SLC6A6: variants seen among roughly 807,000 people sequenced by gnomAD.
The protein encoded by SLC6A6 is solute carrier family 6 member 6, also known as sodium- and chloride-dependent taurine transporter.
A neutral mutation model predicts 68.8 loss-of-function variants in SLC6A6; 16 were observed. The ratio of observed to expected loss-of-function variants is 0.23; its 90% CI spans 0.16 to 0.35. The LOEUF (loss-of-function observed/expected upper bound fraction) is 0.35. Among genes scored for constraint, SLC6A6 ranks in the 10% least tolerant of loss-of-function variants. SLC6A6 has a pLI of 1.00. For missense variants in SLC6A6, 474 were observed against 802.8 expected (o/e 0.59, Z 4.95); for synonymous variants, 312 against 315.4 (o/e 0.99, Z 0.12).
At chr3:14,460,746 G>C (rs1014551754) in intron 6 of SLC6A6, among the ~76,000 whole-genome samples, 1 of 152,250 alleles carries the variant, frequency 6.6e-6, no homozygotes, top group Non-Finnish European at 1.5e-5. Flanking sequence ...TCGTGGGGTG[G>C]CTGTAGGCCT....
At position 14,468,313 on chromosome 3, in the gene SLC6A6, A is replaced by G. The variant is rs1700667607; in HGVS notation, c.1096+101A>G. On this transcript the variant is annotated intron_variant, in intron 9 of 14. Transcript: ENST00000622186. This position sits in a 1 kb window ranked among gnomAD's most constrained non-coding sequence, Gnocchi z 4.5. ...AGACCCCAGGGGGCTTTGAGGGGGG[A>G]CGAGCCTGGTTTCTAAAATGGACCC... The G allele has an allele frequency of 1.9e-6, 2 of 1,038,188 alleles. No individual in the cohort carries two copies. The highest frequency in any genetic ancestry group is 2.7e-6 in the Non-Finnish European group (2 of 748,094). 64.3% of individuals were successfully genotyped at this position (1,038,188 alleles called of 1,614,324 possible).
intron 6 of SLC6A6, among the ~76,000 whole-genome samples, chr3:14,465,843 A>G (rs2124978148): frequency 6.6e-6 from 1 of 152,270 alleles, no homozygotes; most frequent in East Asian, 1.9e-4. Flanking sequence ...TTCCACCTCT[A>G]CGCCCTGGAA....
Position 14,466,582 on chromosome 3 carries a change from C to T in SLC6A6, c.799C>T (p.Leu267=). The T allele has an allele frequency of 1.2e-6, 2 of 1,613,788 alleles. No homozygotes were observed. The highest frequency in any genetic ancestry group is 1.7e-6 in the Non-Finnish European group (2 of 1,179,814). Reference sequence around the variant, plus strand: ...GGTGCTGCTGGTCCGAGGGCTGACGCTGCCGGGCGCGGGCGCAGGCATCAA... The same window carrying T: ...GGTGCTGCTGGTCCGAGGGCTGACGTTGCCGGGCGCGGGCGCAGGCATCAA... ...LLVLLVRGLT[L]PGAGAGIKFY... Residue 267 remains leucine, a synonymous_variant, in exon 7 of 15, where the codon CTG becomes TTG. Coordinates refer to ENST00000622186, the MANE Select transcript of SLC6A6 (RefSeq NM_003043.6).
intron 2 of SLC6A6, among the ~76,000 whole-genome samples, chr3:14,435,787 T>C (rs62231856): frequency 0.49 from 73,881 of 152,102 alleles, 18,139 homozygotes; most frequent in Admixed American, 0.52. Flanking sequence ...AATGTGTGTG[T>C]GCATATAAAC....
At chr3:14,474,836 C>T (rs958440267) in intron 10 of SLC6A6, among the ~76,000 whole-genome samples, 5 of 152,238 alleles carry the variant, frequency 3.3e-5, no homozygotes, top group Admixed American at 6.5e-5. Flanking sequence ...AGAGGCCTCC[C>T]GCTGATGTTA....
intron 5 of SLC6A6, among the ~76,000 whole-genome samples, chr3:14,455,239 C>G (rs1376439964): frequency 2.0e-5 from 3 of 152,210 alleles, no homozygotes; most frequent in African/African-American, 7.2e-5. Flanking sequence ...GACTCATTTT[C>G]TTTGTTGTAG....
In SLC6A6 at chr3:14,477,389, CT is replaced by C; in HGVS notation, c.1347+48del. 2 of 1,594,496 alleles carry C rather than the reference CT, an allele frequency of 1.3e-6. No individual in the cohort carries two copies. Among genetic ancestry groups the C allele is most frequent in the East Asian group, 4.5e-5 (2 of 44,682 alleles). ...GTTTCAGGCTTGGTGCTCCAGTGCC[CT>C]CCTCAAGGCCATAGTGGAGGCAGCA... On this transcript the variant is annotated intron_variant, in intron 11 of 14. Transcript: ENST00000622186. The surrounding 1 kb of genome is among the most constrained non-coding windows in gnomAD (Gnocchi z 4.2).
chr3:14,403,247 A>G (rs550138959), intron 1 of SLC6A6, among the ~76,000 whole-genome samples: 1 of 151,654 alleles, frequency 6.6e-6, no homozygotes, highest in South Asian at 2.1e-4. Context: ...GTTCCGGTGC[A>G]TGTCTGTTAT....
Position 14,466,558 on chromosome 3 carries a change from G to T in SLC6A6, c.775G>T (p.Val259Leu). The T allele has an allele frequency of 6.2e-7, 1 of 1,613,272 alleles. No individual in the cohort carries two copies. Among genetic ancestry groups the T allele is most frequent in the South Asian group, 1.1e-5 (1 of 91,054 alleles). ...TATFPFAMLL[V>L]LLVRGLTLPG... ...CACTTTTCCATTCGCCATGCTCCTG[G>T]TGCTGCTGGTCCGAGGGCTGACGCT... The change falls in exon 7 of 15, where the codon GTG (valine) becomes TTG (leucine). Residue 259 changes from valine (V) to leucine (L), a missense_variant. By Grantham distance (32) the Val-to-Leu change is conservative. Around this residue, in one of 2 missense-constraint regions of SLC6A6, gnomAD observed 280 missense variants for 533.1 expected, o/e 0.53. Coordinates refer to ENST00000622186, the MANE Select transcript of SLC6A6 (RefSeq NM_003043.6).
rs1553583341 is a variant in SLC6A6, at chr3:14,485,151, T to TGC, written c.*145_*146insCG. ...CACAGAAAATGTAATTGTGGGTATG[T>TGC]GTGCGTGCGTGTGTGTGTGTGTGTG... On this transcript the variant is annotated 3_prime_UTR_variant, in exon 15 of 15. Coordinates refer to ENST00000622186, the MANE Select transcript of SLC6A6 (RefSeq NM_003043.6). 11 of 557,542 alleles carry TGC rather than the reference T, an allele frequency of 2.0e-5. No individual in the cohort carries two copies. Among genetic ancestry groups the TGC allele is most frequent in the Non-Finnish European group, 3.2e-5 (11 of 343,074 alleles). 34.5% of individuals were successfully genotyped at this position (557,542 alleles called of 1,614,324 possible). A position where few individuals can be genotyped will look rare whatever the true frequency, so the allele number is the denominator to read the frequency against.
chr3:14,416,296 C>T (rs1001856448), intron 1 of SLC6A6, 116 bp from the exon 2 acceptor site: 5 of 397,190 alleles, frequency 1.3e-5, no homozygotes, highest in African/African-American at 1.0e-4. Context: ...TTGGTCAGCC[C>T]CTCCCCAGCA....
chr3:14,485,852 G>T lies in SLC6A6; in HGVS notation c.*845G>T, dbSNP rs577676023. 6.6e-6 allele frequency: 1 copy of T among 152,606 alleles called. No individual in the cohort carries two copies. Among genetic ancestry groups the T allele is most frequent in the African/African-American group, 2.4e-5 (1 of 41,572 alleles). The allele number at this position is 152,606 out of a possible 1,614,324, so 9.5% of individuals were successfully genotyped here. A position where few individuals can be genotyped will look rare whatever the true frequency, so the allele number is the denominator to read the frequency against. ...TGCTAGAGATCCAAGAAGGCTGGCA[G>T]GAGTGAGGCTCACAACTCAGCCTCG... On this transcript the variant is annotated 3_prime_UTR_variant, in exon 15 of 15. Coordinates refer to ENST00000622186, the MANE Select transcript of SLC6A6 (RefSeq NM_003043.6).
At chr3:14,465,846 C>T (rs952393700) in intron 6 of SLC6A6, among the ~76,000 whole-genome samples, 1 of 152,244 alleles carries the variant, frequency 6.6e-6, no homozygotes, top group Non-Finnish European at 1.5e-5. Flanking sequence ...CACCTCTACG[C>T]CCTGGAATGT....
At chr3:14,428,151 C>T (rs889813774) in intron 2 of SLC6A6, among the ~76,000 whole-genome samples, 1 of 152,210 alleles carries the variant, frequency 6.6e-6, no homozygotes, top group Non-Finnish European at 1.5e-5. Context: ...CAGTCACATG[C>T]ACTGCAGAAG....
At chr3:14,451,882 A>G (rs1212703883) in intron 5 of SLC6A6, among the ~76,000 whole-genome samples, 1 of 152,022 alleles carries the variant, frequency 6.6e-6, no homozygotes, top group African/African-American at 2.4e-5. Context: ...CAGTGAGGAT[A>G]CCCTCGAAGG....
rs1263939390 is a variant in SLC6A6, at chr3:14,471,909, A to G, written c.1097-296A>G. 3.3e-5 allele frequency among the ~76,000 whole-genome samples: 5 copies of G among 152,302 alleles called. No individual in the cohort carries two copies. In the South Asian group the frequency reaches 1.0e-3, roughly 32 times the overall value. Reference sequence around the variant, plus strand: ...TCCCTTTCCTTTGTCTCTGCAGACCAAGCCCTGGGCTCAGTCTGCATCCTA... The same window carrying G: ...TCCCTTTCCTTTGTCTCTGCAGACCGAGCCCTGGGCTCAGTCTGCATCCTA... On this transcript the variant is annotated intron_variant, in intron 9 of 14. Transcript: ENST00000622186.
In SLC6A6 at chr3:14,471,142, T is replaced by A. The variant is rs1010218348; in HGVS notation, c.1097-1063T>A. 2.5e-3 allele frequency among the ~76,000 whole-genome samples: 375 copies of A among 150,678 alleles called. 2 individuals are homozygous for A. The highest frequency in any genetic ancestry group is 8.8e-3 in the African/African-American group (362 of 41,260). Reference sequence around the variant, plus strand: ...TCCTGCTTCTTGACTTTTTTTTTTTTTTTTTTTTTTAGTTGTAGATTTTAC... The same window carrying A: ...TCCTGCTTCTTGACTTTTTTTTTTTATTTTTTTTTTAGTTGTAGATTTTAC... On this transcript the variant is annotated intron_variant, in intron 9 of 14. Transcript: ENST00000622186.
chr3:14,466,367 C>A, intron 6 of SLC6A6, 149 bp from the exon 7 acceptor site: 1 of 824,316 alleles, frequency 1.2e-6, no homozygotes, highest in Non-Finnish European at 1.9e-6. Context: ...AAGCAATGTG[C>A]CAAAGGCCGC....
chr3:14,426,748 C>G (rs1010130952), intron 2 of SLC6A6, among the ~76,000 whole-genome samples: 2 of 152,126 alleles, frequency 1.3e-5, no homozygotes, highest in Non-Finnish European at 2.9e-5. Flanking sequence ...TGACAATAAG[C>G]CGGGACCCTC....
Sources: allele counts gnomAD v4.1 joint callset (sites outside exome capture counted in the v4.1 genomes callset), GRCh38; gene constraint gnomAD v4.1.1; regional missense constraint gnomAD v4.1.1; non-coding constraint Gnocchi (gnomAD v3.1); transcripts MANE v1.5; gene names NCBI Gene and HGNC (gene_info 2026-07-23, HGNC 2026-07-21).